PCDHGA12: variants seen among roughly 807,000 people sequenced by gnomAD.
PCDHGA12 encodes the protein protocadherin gamma subfamily A, 12, also known as protocadherin gamma-A12.
A neutral mutation model predicts 61.1 loss-of-function variants in PCDHGA12; 43 were observed. The observed-to-expected ratio is 0.70, with a 90% CI of 0.55 to 0.91. The LOEUF is 0.91. PCDHGA12 is among the 40% of genes least tolerant of loss of function. The pLI is 0.00. For missense variants in PCDHGA12, 1,236 were observed against 1,227.7 expected, an observed-to-expected ratio of 1.01 and a Z score of -0.10; for synonymous variants, 520 against 542.9, an observed-to-expected ratio of 0.96 and a Z score of 0.59.
At chr5:141,508,903 G>A (rs1410291297) in intron 3 of PCDHGA12, among the ~76,000 whole-genome samples, 1 of 152,086 alleles carries the variant, frequency 6.6e-6, no homozygotes, top group East Asian at 1.9e-4. Flanking sequence ...GGGCGGGGCG[G>A]TGGCGGATCT....
In PCDHGA12 at chr5:141,493,511, T is replaced by G. The variant is rs1203329648; in HGVS notation, c.2425-1296T>G. Among the ~76,000 whole-genome samples the G allele has an allele frequency of 6.6e-6, 1 of 152,094 alleles. No individual in the cohort carries two copies. Reference sequence around the variant, plus strand: ...TCTGTGGCTCCTCATTTCTGAGCAGTCCCCGCAGCGCAAACTTGGCCAGTT... The same window carrying G: ...TCTGTGGCTCCTCATTTCTGAGCAGGCCCCGCAGCGCAAACTTGGCCAGTT... On this transcript the variant is annotated intron_variant, in intron 1 of 3. Coordinates refer to ENST00000252085, the MANE Select transcript of PCDHGA12 (RefSeq NM_003735.3). This position sits in a 1 kb window ranked among gnomAD's most constrained non-coding sequence, Gnocchi z 4.3.
In PCDHGA12 at chr5:141,487,844, A is replaced by T; in HGVS notation, c.2425-6963A>T. The T allele has an allele frequency of 1.9e-6, 2 of 1,043,194 alleles. No individual in the cohort carries two copies. The highest frequency in any genetic ancestry group is 2.7e-6 in the Non-Finnish European group (2 of 730,908). The allele number at this position is 1,043,194 out of a possible 1,614,324, so 64.6% of individuals were successfully genotyped here. ...CGGGTCATGCCTATATCTGAGTAAG[A>T]AATGAAAGTAATTGGTGATCAAGAG... On this transcript the variant is annotated intron_variant, in intron 1 of 3. Transcript: ENST00000252085. This position sits in a 1 kb window ranked among gnomAD's most constrained non-coding sequence, Gnocchi z 5.0.
intron 1 of PCDHGA12, among the ~76,000 whole-genome samples, chr5:141,472,889 G>A (rs1163806093): frequency 6.6e-6 from 1 of 151,392 alleles, no homozygotes; most frequent in Non-Finnish European, 1.5e-5. Context: ...GGGAGGCTGA[G>A]GCAGGAGAAT....
chr5:141,476,672 A>T lies in PCDHGA12; in HGVS notation c.2425-18135A>T. 6.2e-7 allele frequency: 1 copy of T among 1,614,206 alleles called. No individual in the cohort carries two copies. Among genetic ancestry groups the T allele is most frequent in the African/African-American group, 1.3e-5 (1 of 75,058 alleles). ...TGAATACTTTGCGCTTCGCGTGCAG[A>T]CGCGGGAGGACAGCACCAAGTACGC... On this transcript the variant is annotated intron_variant, in intron 1 of 3. Transcript: ENST00000252085. The surrounding 1 kb of genome is among the most constrained non-coding windows in gnomAD (Gnocchi z 7.6).
chr5:141,472,308 G>A (rs897967832), intron 1 of PCDHGA12, among the ~76,000 whole-genome samples: 6 of 152,074 alleles, frequency 3.9e-5, no homozygotes, highest in South Asian at 4.1e-4. Context: ...TTGGGAAGCC[G>A]AGGCAGGCAG....
chr5:141,469,731 C>T (rs1332201791), intron 1 of PCDHGA12, among the ~76,000 whole-genome samples: 1 of 152,214 alleles, frequency 6.6e-6, no homozygotes, highest in Non-Finnish European at 1.5e-5. Context: ...ATCATAAATA[C>T]ACACCTCAAA....
intron 1 of PCDHGA12, among the ~76,000 whole-genome samples, chr5:141,437,360 G>T (rs1432098876): frequency 6.6e-6 from 1 of 152,144 alleles, no homozygotes; most frequent in Non-Finnish European, 1.5e-5. Context: ...ACCTAAAATT[G>T]GAATGTAATC....
intron 2 of PCDHGA12, among the ~76,000 whole-genome samples, chr5:141,496,121 C>A (rs1391009290): frequency 6.6e-6 from 1 of 152,088 alleles, no homozygotes; most frequent in Non-Finnish European, 1.5e-5. Flanking sequence ...TCCTTCCCTG[C>A]CCCTCACACA....
At chr5:141,474,998 T>C (rs1029967243) in intron 1 of PCDHGA12, among the ~76,000 whole-genome samples, 1 of 152,260 alleles carries the variant, frequency 6.6e-6, no homozygotes, top group Non-Finnish European at 1.5e-5. Context: ...CAATTCTAAA[T>C]GCAGAAAAGT....
chr5:141,487,798 G>A lies in PCDHGA12; in HGVS notation c.2425-7009G>A, dbSNP rs1197016007. 6.7e-7 allele frequency: 1 copy of A among 1,498,792 alleles called. No homozygotes were observed. Among genetic ancestry groups the A allele is most frequent in the South Asian group, 1.3e-5 (1 of 78,368 alleles). 92.8% of individuals were successfully genotyped at this position (1,498,792 alleles called of 1,614,324 possible). On this transcript the variant is annotated intron_variant, in intron 1 of 3. Coordinates refer to ENST00000252085, the MANE Select transcript of PCDHGA12 (RefSeq NM_003735.3). The surrounding 1 kb of genome is among the most constrained non-coding windows in gnomAD (Gnocchi z 5.0). ...ACTGTTTCGTGAATTAACCAGAGTT[G>A]TCACAGTTTAGCATTGGGGGCGGGT...
chr5:141,474,260 A>G (rs1459875243), intron 1 of PCDHGA12, among the ~76,000 whole-genome samples: 1 of 152,170 alleles, frequency 6.6e-6, no homozygotes, highest in Non-Finnish European at 1.5e-5. Flanking sequence ...AGACTGATAA[A>G]CCAGTGTATC....
chr5:141,480,607 C>T (rs2099522175), intron 1 of PCDHGA12, among the ~76,000 whole-genome samples: 1 of 145,670 alleles, frequency 6.9e-6, no homozygotes, highest in Admixed American at 6.8e-5. Context: ...GCCTGGAAAG[C>T]AACTGGCATT....
chr5:141,431,561 G>C lies in PCDHGA12; in HGVS notation c.802G>C (p.Asp268His). The change falls in exon 1 of 4, where the codon GAC becomes CAC. Residue 268 changes from aspartate (D) to histidine (H), a missense_variant. Transcript: ENST00000252085. The surrounding 1 kb of genome is among the most constrained non-coding windows in gnomAD (Gnocchi z 4.8). ...GCAGCTGCTTGTAGTCAACGCTACC[G>C]ACCCTGACGAAGGAGTCAATGCGGA... The part of the protein sequence containing the change: ...GTQLLVVNAT[D>H]PDEGVNAEVR... 6.2e-7 allele frequency: 1 copy of C among 1,614,146 alleles called. No homozygotes were observed. The highest frequency in any genetic ancestry group is 1.1e-5 in the South Asian group (1 of 91,080).
chr5:141,496,747 A>T (rs13188028), intron 2 of PCDHGA12, among the ~76,000 whole-genome samples: 1 of 152,124 alleles, frequency 6.6e-6, no homozygotes, highest in Non-Finnish European at 1.5e-5. Context: ...CATTTATTCA[A>T]CAAATATTTA....
intron 1 of PCDHGA12, chr5:141,478,282 G>A: frequency 6.2e-7 from 1 of 1,614,184 alleles, no homozygotes; most frequent in Non-Finnish European, 8.5e-7. Flanking sequence ...AGTGGAAGCA[G>A]TCTAGAGACC....
chr5:141,489,844 C>T lies in PCDHGA12; in HGVS notation c.2425-4963C>T, dbSNP rs1004902910. 4.3e-6 allele frequency: 7 copies of T among 1,614,148 alleles called. No homozygotes were observed. The African/African-American group carries it at 9.3e-5, about 22-fold the overall frequency. ...GCTGGTGCTAGAGCAGCAGCTGGAT[C>T]GTGAAGCCCAGGCAAGACATCAGCT... On this transcript the variant is annotated intron_variant, in intron 1 of 3. Transcript: ENST00000252085. The surrounding 1 kb of genome is among the most constrained non-coding windows in gnomAD (Gnocchi z 4.5).
chr5:141,477,245 A>G lies in PCDHGA12; in HGVS notation c.2425-17562A>G. On this transcript the variant is annotated intron_variant, in intron 1 of 3. Transcript: ENST00000252085. The surrounding 1 kb of genome is among the most constrained non-coding windows in gnomAD (Gnocchi z 4.9). ...GACTGTCATCGCTTTGCTCAGTGTG[A>G]CTGACCTGGATGCTGGCGAGAACGG... 3.7e-6 allele frequency: 6 copies of G among 1,614,128 alleles called. No homozygotes were observed. The highest frequency in any genetic ancestry group is 5.1e-6 in the Non-Finnish European group (6 of 1,180,026).
At position 141,489,910 on chromosome 5, in the gene PCDHGA12, G is replaced by T; in HGVS notation, c.2425-4897G>T. ...GGATGGGGGGACCCCAGCCCGCTCA[G>T]GGACCACCCTTATCTCTGTCATCGT... On this transcript the variant is annotated intron_variant, in intron 1 of 3. Transcript: ENST00000252085. This position sits in a 1 kb window ranked among gnomAD's most constrained non-coding sequence, Gnocchi z 4.5. 1 of 1,614,226 alleles carries T rather than the reference G, an allele frequency of 6.2e-7. No homozygotes were observed. The highest frequency in any genetic ancestry group is 8.5e-7 in the Non-Finnish European group (1 of 1,180,030).
chr5:141,490,157 G>A lies in PCDHGA12; in HGVS notation c.2425-4650G>A. 6.2e-7 allele frequency: 1 copy of A among 1,614,210 alleles called. No homozygotes were observed. On this transcript the variant is annotated intron_variant, in intron 1 of 3. Transcript: ENST00000252085. The surrounding 1 kb of genome is among the most constrained non-coding windows in gnomAD (Gnocchi z 5.4). ...AGCAGTGGGGCAATCCATGTGTTGG[G>A]TCCCATAGACTTTGAGGAGTCACGT...
Sources: allele counts gnomAD v4.1 joint callset (sites outside exome capture counted in the v4.1 genomes callset), GRCh38; gene constraint gnomAD v4.1.1; non-coding constraint Gnocchi (gnomAD v3.1); transcripts MANE v1.5; gene names NCBI Gene and HGNC (gene_info 2026-07-23, HGNC 2026-07-21).